The following OTOF variants were observed in gnomAD, a reference collection of about 807,000 sequenced individuals.
OTOF encodes the protein otoferlin, also known as fer-1-like family member 2.
In OTOF, 218 loss-of-function variants were observed where a neutral mutation model predicts 236.8. The ratio of observed to expected loss-of-function variants is 0.92; its 90% CI spans 0.82 to 1.03. The LOEUF (loss-of-function observed/expected upper bound fraction) is 1.03, where lower values mean the gene tolerates loss of function less well. OTOF is among the 50% of genes least tolerant of loss of function. OTOF has a pLI of 0.00. For missense variants in OTOF, 2,590 were observed against 2,694.4 expected (o/e 0.96, Z 0.86); for synonymous variants, 1,041 against 1,072.5 (o/e 0.97, Z 0.57).
At chr2:26,484,380 G>A in intron 12 of OTOF, 94 bp downstream of exon 12, 1 of 1,317,588 alleles carries the variant, frequency 7.6e-7, no homozygotes, top group East Asian at 2.4e-5. Flanking sequence ...GAGGGAGACG[G>A]GTGGCAGGTG....
intron 40 of OTOF, 69 bp from the exon 41 acceptor site, chr2:26,463,640 T>G (rs768794362): frequency 7.8e-7 from 1 of 1,283,132 alleles, no homozygotes; most frequent in Non-Finnish European, 1.1e-6. Flanking sequence ...AGCTCTCCTC[T>G]CCCTCCTAAC....
rs779603984 is a variant in OTOF, at chr2:26,480,976, T to C, written c.1613A>G (p.Asn538Ser). Residue 538 changes from asparagine to serine, a missense_variant, in exon 15 of 47, where the codon AAC (asparagine) becomes AGC (serine). Asn to Ser is a conservative substitution (Grantham distance 46). This residue lies in a region of OTOF where 1,379 missense variants were observed against 1,341.6 expected (regional missense o/e 1.03). Transcript: ENST00000272371. ...GTAGTTACGTGTGGAGCCGTACATG[T>C]TCACCCAGGCTGGGCCCAGTGTGGG... ...FLPTLGPAWV[N>S]MYGSTRNYTL... 6.2e-7 allele frequency: 1 copy of C among 1,612,810 alleles called. No individual in the cohort carries two copies.
chr2:26,476,406 C>T (rs898971900), intron 22 of OTOF, 89 bp from the exon 23 acceptor site: 59 of 1,260,760 alleles, frequency 4.7e-5, no homozygotes, highest in Non-Finnish European at 6.6e-5. Flanking sequence ...AGGCCCTGGT[C>T]AGAGCTGCCC....
Position 26,470,556 on chromosome 2 carries a change from AG to A in OTOF, c.4023+36del, listed in dbSNP as rs775030181. On this transcript the variant is annotated intron_variant, in intron 32 of 46. Transcript: ENST00000272371. The surrounding 1 kb of genome is among the most constrained non-coding windows in gnomAD (Gnocchi z 4.3). ...GCTGGACAGGAGGGTCTGAGTGTGGAGGGGGTCACCTCCCCTCACCCTACCC... is the reference window on the plus strand; with the variant it reads ...GCTGGACAGGAGGGTCTGAGTGTGGAGGGGTCACCTCCCCTCACCCTACCC... 1 of 1,607,190 alleles carries A rather than the reference AG, an allele frequency of 6.2e-7. No homozygotes were observed. The highest frequency in any genetic ancestry group is 8.5e-7 in the Non-Finnish European group (1 of 1,173,916).
Position 26,480,194 on chromosome 2 carries a change from A to G in OTOF, c.1912+9T>C, listed in dbSNP as rs752581971. On this transcript the variant is annotated intron_variant, in intron 16 of 46. Coordinates refer to ENST00000272371, the MANE Select transcript of OTOF (RefSeq NM_194248.3). ...CTAGGCCCGAAGCCCCCGTGGGCCCAGCACTCACCTATGGTGACCTCAAAG... is the reference window on the plus strand; with the variant it reads ...CTAGGCCCGAAGCCCCCGTGGGCCCGGCACTCACCTATGGTGACCTCAAAG... 1.3e-6 allele frequency: 2 copies of G among 1,567,700 alleles called. No homozygotes were observed. The highest frequency in any genetic ancestry group is 1.8e-6 in the Non-Finnish European group (2 of 1,138,600).
intron 3 of OTOF, among the ~76,000 whole-genome samples, chr2:26,527,243 G>A (rs1366558122): frequency 6.6e-6 from 1 of 152,220 alleles, no homozygotes; most frequent in Non-Finnish European, 1.5e-5. Flanking sequence ...ATGAGTGAGT[G>A]AATATCTATC....
At chr2:26,530,981 G>A (rs149356356) in intron 2 of OTOF, among the ~76,000 whole-genome samples, 1 of 152,190 alleles carries the variant, frequency 6.6e-6, no homozygotes, top group Non-Finnish European at 1.5e-5. Context: ...GGCATGGGCT[G>A]TAAGAAGGAG....
chr2:26,487,503 T>C (rs1233024739), intron 11 of OTOF, among the ~76,000 whole-genome samples: 2 of 152,082 alleles, frequency 1.3e-5, no homozygotes, highest in Non-Finnish European at 2.9e-5. Context: ...AGTTTCCTTA[T>C]GGTGAAATGG....
intron 1 of OTOF, among the ~76,000 whole-genome samples, chr2:26,541,460 A>G (rs1397550023): frequency 6.6e-6 from 1 of 152,204 alleles, no homozygotes; most frequent in Non-Finnish European, 1.5e-5. Context: ...AAACACATCA[A>G]TCATACAGAA....
intron 36 of OTOF, 26 bp from the exon 37 acceptor site, chr2:26,466,102 A>C (rs751265772): frequency 6.2e-7 from 1 of 1,613,986 alleles, no homozygotes; most frequent in Non-Finnish European, 8.5e-7. Context: ...GGGCTGCCTG[A>C]GCAGGCTCCC....
chr2:26,552,127 C>T (rs145219796), intron 1 of OTOF, among the ~76,000 whole-genome samples: 12 of 148,858 alleles, frequency 8.1e-5, no homozygotes, highest in South Asian at 4.3e-4. Flanking sequence ...CAGTGGCTTA[C>T]GCCTATAATC....
rs774172709 is a variant in OTOF, at chr2:26,479,478, G to A, written c.2088C>T (p.Thr696=). The A allele has an allele frequency of 1.4e-5, 22 of 1,601,006 alleles. No homozygotes were observed. Among genetic ancestry groups the A allele is most frequent in the South Asian group, 1.0e-4 (9 of 89,424 alleles). ...GGATGGGAGGCTGGGCCCACCTGTC[G>A]GTGACCTGGGGCCGCATTGGTGGAG... ...SSTPPMRPQV[T]DRNYFHLPYL... is the part of the protein sequence containing the mutation. The change falls in exon 17 of 47, where the codon ACC becomes ACT. Residue 696 remains threonine (T), a synonymous_variant. Coordinates refer to ENST00000272371, the MANE Select transcript of OTOF (RefSeq NM_194248.3).
intron 1 of OTOF, among the ~76,000 whole-genome samples, chr2:26,544,697 C>T (rs908459308): frequency 1.3e-5 from 2 of 151,968 alleles, no homozygotes; most frequent in African/African-American, 4.8e-5. Flanking sequence ...TGAGGAAATT[C>T]CTAAGAACAG....
chr2:26,515,774 C>G (rs1222080462), intron 5 of OTOF, among the ~76,000 whole-genome samples: 1 of 152,138 alleles, frequency 6.6e-6, no homozygotes, highest in Non-Finnish European at 1.5e-5. Flanking sequence ...GATTCTGTCC[C>G]CTTGGTCTCT....
chr2:26,479,609 G>A lies in OTOF; in HGVS notation c.1957C>T (p.Pro653Ser), dbSNP rs1665470449. The A allele has an allele frequency of 4.3e-6, 7 of 1,612,584 alleles. No homozygotes were observed. The highest frequency in any genetic ancestry group is 5.9e-6 in the Non-Finnish European group (7 of 1,179,796). ...EVDGLSRPQR[P>S]RPRKEPGDEE... The stretch of plus-strand genomic sequence containing the variant: ...TCCCCCGGCTCCTTCCGGGGCCGAG[G>A]CCGCTGGGGCCGGGACAGGCCATCA... Residue 653 changes from proline to serine, a missense_variant, in exon 17 of 47, where the codon CCT (proline) becomes TCT (serine). Coordinates refer to ENST00000272371, the MANE Select transcript of OTOF (RefSeq NM_194248.3).
chr2:26,457,788 G>C lies in OTOF; in HGVS notation c.*450C>G. ...CGCCTCAGCCAGGTGGGGCAAGAGA[G>C]ACCCATTCCAGGTCCCCACCCCATC... On this transcript the variant is annotated 3_prime_UTR_variant, in exon 47 of 47. Coordinates refer to ENST00000272371, the MANE Select transcript of OTOF (RefSeq NM_194248.3). The surrounding 1 kb of genome is among the most constrained non-coding windows in gnomAD (Gnocchi z 4.4). The C allele has an allele frequency of 1.9e-6, 1 of 519,496 alleles. No individual in the cohort carries two copies. The highest frequency in any genetic ancestry group is 3.4e-6 in the Non-Finnish European group (1 of 291,184). The allele number at this position is 519,496 out of a possible 1,614,324, so 32.2% of individuals were successfully genotyped here.
At chr2:26,479,070 G>C (rs1389412382) in intron 18 of OTOF, among the ~76,000 whole-genome samples, 194 bp downstream of exon 18, 1 of 152,232 alleles carries the variant, frequency 6.6e-6, no homozygotes, top group East Asian at 1.9e-4. Flanking sequence ...TTCACTGGAG[G>C]CTGAGTGACT....
At chr2:26,554,377 T>C (rs1023197646) in intron 1 of OTOF, among the ~76,000 whole-genome samples, 1 of 151,954 alleles carries the variant, frequency 6.6e-6, no homozygotes, top group Non-Finnish European at 1.5e-5. Context: ...AGTGCCACAG[T>C]GGAAGAACTC....
intron 9 of OTOF, among the ~76,000 whole-genome samples, chr2:26,492,398 G>A (rs1015429600): frequency 6.6e-5 from 10 of 152,156 alleles, no homozygotes; most frequent in African/African-American, 2.4e-4. Context: ...AGAGCTATTT[G>A]GGTTTGTGAA....
Sources: gnomAD v4.1 joint callset for allele counts (sites outside exome capture counted in the v4.1 genomes callset) on GRCh38, gnomAD v4.1.1 for gene constraint, gnomAD v4.1.1 regional missense constraint, Gnocchi (gnomAD v3.1) non-coding constraint, MANE v1.5 for transcripts, NCBI Gene and HGNC (gene_info 2026-07-23, HGNC 2026-07-21) for gene names.